The following TSPAN5 variants were observed in gnomAD, a reference collection of about 807,000 sequenced individuals.
The protein encoded by TSPAN5 is tetraspanin 5.
Under a neutral mutation model 37.1 loss-of-function variants are expected in TSPAN5, and 10 were observed. The ratio of observed to expected loss-of-function variants is 0.27; its 90% confidence interval spans 0.17 to 0.46. The LOEUF (loss-of-function observed/expected upper bound fraction) is 0.46, where lower values mean the gene tolerates loss of function less well. Among genes scored for constraint, TSPAN5 ranks in the 20% least tolerant of loss-of-function variants. The pLI is 1.00. For synonymous variants in TSPAN5, 110 were observed against 118.9 expected (o/e 0.93, Z 0.48); for missense variants, 195 against 326.6 (o/e 0.60, Z 3.11).
intron 1 of TSPAN5, among the ~76,000 whole-genome samples, chr4:98,569,671 G>A (rs1170277914): frequency 6.6e-6 from 1 of 152,204 alleles, no homozygotes; most frequent in Non-Finnish European, 1.5e-5. Context: ...AAAGATGACT[G>A]GAGTTTCTAT....
intron 1 of TSPAN5, among the ~76,000 whole-genome samples, chr4:98,554,959 A>C (rs1754706032): frequency 6.6e-6 from 1 of 152,240 alleles, no homozygotes. Flanking sequence ...AAAATCCCAC[A>C]GAAAGATACT....
chr4:98,626,465 AT>A (rs1385355866), intron 1 of TSPAN5, among the ~76,000 whole-genome samples: 1 of 152,068 alleles, frequency 6.6e-6, no homozygotes, highest in Admixed American at 6.6e-5. Flanking sequence ...AGAGTTTCTC[AT>A]CTCCCTCAGT....
intron 1 of TSPAN5, among the ~76,000 whole-genome samples, chr4:98,628,839 T>C (rs761255816): frequency 4.5e-4 from 69 of 152,216 alleles, no homozygotes; most frequent in Non-Finnish European, 9.0e-4. Context: ...TATGATACAT[T>C]GTACATTGCA....
At chr4:98,504,126 T>A (rs567227329) in intron 2 of TSPAN5, among the ~76,000 whole-genome samples, 5 of 152,338 alleles carry the variant, frequency 3.3e-5, no homozygotes, top group Middle Eastern at 3.4e-3. Flanking sequence ...GTACTTCACA[T>A]GAATATGCTG....
Position 98,526,053 on chromosome 4 carries a change from T to A in TSPAN5, c.82-18325A>T, listed in dbSNP as rs151239034. 1.9e-3 allele frequency among the ~76,000 whole-genome samples: 290 copies of A among 152,336 alleles called. 1 individual carries two copies. The highest frequency in any genetic ancestry group is 6.4e-3 in the African/African-American group (267 of 41,564). ...ATACACAGAAACATCAAAGGTGTCC[T>A]AGGCTATAAAGTGCAGGTCTCATAG... On this transcript the variant is annotated intron_variant, in intron 1 of 7. Transcript: ENST00000305798.
chr4:98,501,931 C>T (rs1753361112), intron 2 of TSPAN5, among the ~76,000 whole-genome samples: 1 of 152,218 alleles, frequency 6.6e-6, no homozygotes, highest in Non-Finnish European at 1.5e-5. Context: ...TAATTGGAGG[C>T]TTCTGCACAA....
chr4:98,658,545 G>T lies in TSPAN5; in HGVS notation c.-319C>A, dbSNP rs1191097117. ...CGTCCGTGCGCCAGGCGGTCGGTCC[G>T]TCGGTTCGTCCCCGGGCTTCGGGCA... On this transcript the variant is annotated 5_prime_UTR_variant, in exon 1 of 8. Transcript: ENST00000305798. The T allele has an allele frequency of 5.6e-6, 1 of 178,814 alleles. No individual in the cohort carries two copies. Among genetic ancestry groups the T allele is most frequent in the Non-Finnish European group, 1.2e-5 (1 of 86,076 alleles). 11.1% of individuals were successfully genotyped at this position (178,814 alleles called of 1,614,324 possible).
intron 1 of TSPAN5, among the ~76,000 whole-genome samples, chr4:98,656,511 A>C (rs978444002): frequency 3.3e-5 from 5 of 152,234 alleles, no homozygotes; most frequent in South Asian, 2.1e-4. Context: ...GCTACCCACC[A>C]CTTTTAAACA....
intron 1 of TSPAN5, among the ~76,000 whole-genome samples, chr4:98,548,011 CAA>C (rs535093440): frequency 0.022 from 1,939 of 89,316 alleles, 62 homozygotes; most frequent in African/African-American, 0.08. Context: ...GACTCTGTCT[CAA>C]AAAAAAAAAA....
chr4:98,592,421 G>GTTTTTTTTTTTTTTTTTTTTT (rs1204813183), intron 1 of TSPAN5, among the ~76,000 whole-genome samples: 4 of 95,274 alleles, frequency 4.2e-5, no homozygotes, highest in African/African-American at 1.8e-4. Flanking sequence ...AGGGATCTCT[G>GTTTTTTTTTTTTTTTTTTTTT]TTTTTTGTTT....
chr4:98,489,904 G>A lies in TSPAN5; in HGVS notation c.133-3020C>T, dbSNP rs570692741. On this transcript the variant is annotated intron_variant, in intron 2 of 7. Transcript: ENST00000305798. ...ACCATCTTGGGAGCTCTAAGAACAA[G>A]GACCCCCGGTAACAATACCACCAAG... 7.2e-5 allele frequency among the ~76,000 whole-genome samples: 11 copies of A among 152,278 alleles called. No homozygotes were observed. In the East Asian group the frequency reaches 2.1e-3, roughly 29 times the overall value.
intron 1 of TSPAN5, among the ~76,000 whole-genome samples, chr4:98,639,131 C>T (rs949200117): frequency 3.3e-5 from 5 of 152,096 alleles, no homozygotes; most frequent in Admixed American, 3.3e-4. Flanking sequence ...GAAGTGTCTC[C>T]CAACAATTTG....
intron 1 of TSPAN5, among the ~76,000 whole-genome samples, chr4:98,518,119 T>C (rs1242165797): frequency 6.6e-6 from 1 of 151,654 alleles, no homozygotes; most frequent in Non-Finnish European, 1.5e-5. Flanking sequence ...TTTTAACTTT[T>C]CCTAGGCTCA....
intron 1 of TSPAN5, among the ~76,000 whole-genome samples, chr4:98,609,009 C>T (rs529221409): frequency 3.9e-5 from 6 of 152,184 alleles, no homozygotes; most frequent in Non-Finnish European, 7.3e-5. Flanking sequence ...CCAAACTTTA[C>T]CTCTCACTCT....
At chr4:98,631,720 T>C (rs1406427157) in intron 1 of TSPAN5, among the ~76,000 whole-genome samples, 4 of 152,092 alleles carry the variant, frequency 2.6e-5, no homozygotes, top group Non-Finnish European at 5.9e-5. Context: ...AAACCCCTTT[T>C]CCCCTGAAGG....
chr4:98,520,956 G>A (rs963942360), intron 1 of TSPAN5, among the ~76,000 whole-genome samples: 5 of 152,030 alleles, frequency 3.3e-5, no homozygotes, highest in African/African-American at 1.2e-4. Context: ...GGGGGGGATA[G>A]AGTCTCGCTC....
At chr4:98,611,040 C>T (rs1178838372) in intron 1 of TSPAN5, among the ~76,000 whole-genome samples, 1 of 152,154 alleles carries the variant, frequency 6.6e-6, no homozygotes, top group East Asian at 1.9e-4. Context: ...GCCACTTGCA[C>T]CACTGGCTAA....
At position 98,508,161 on chromosome 4, in the gene TSPAN5, C is replaced by A. The variant is rs17027631; in HGVS notation, c.82-433G>T. On this transcript the variant is annotated intron_variant, in intron 1 of 7. Transcript: ENST00000305798. ...AGCCATTACAAATGGGCCAGGTCAG[C>A]GAGGGGCATGTAGAGCCTTGGATGT... Among the ~76,000 whole-genome samples, 469 of 152,238 alleles carry A rather than the reference C, an allele frequency of 3.1e-3. 3 individuals carry two copies. Among genetic ancestry groups the A allele is most frequent in the African/African-American group, 0.011 (448 of 41,530 alleles).
intron 1 of TSPAN5, among the ~76,000 whole-genome samples, chr4:98,630,635 A>C (rs1302726670): frequency 1.3e-5 from 2 of 152,174 alleles, no homozygotes; most frequent in Admixed American, 1.3e-4. Context: ...ATCCAACGCC[A>C]AGCTTCCTGT....
Sources: allele counts gnomAD v4.1 joint callset (sites outside exome capture counted in the v4.1 genomes callset), GRCh38; gene constraint gnomAD v4.1.1; transcripts MANE v1.5; gene names NCBI Gene and HGNC (gene_info 2026-07-23, HGNC 2026-07-21).